Variants in OR51B5 observed in about 807,000 individuals in gnomAD.
The protein encoded by OR51B5 is olfactory receptor 51B5.
For synonymous variants in OR51B5, 186 were observed against 144.8 expected (o/e 1.28, Z -2.04); for missense variants, 456 against 374.6 (o/e 1.22, Z -1.79).
In OR51B5 at chr11:5,418,877, TA is replaced by T. The variant is rs10636129; in HGVS notation, n.85-71968del. ...ATGTACCCCAGAACTTGAAGTATTATAAAAAAAAAAAAAGCATCATCTGGTC... is the reference window on the plus strand; with the variant it reads ...ATGTACCCCAGAACTTGAAGTATTATAAAAAAAAAAAAGCATCATCTGGTC... On this transcript the variant is annotated intron_variant and non_coding_transcript_variant, in intron 1 of 4. Coordinates refer to the OR51B5 transcript ENST00000415970. 1.9e-3 allele frequency among the ~76,000 whole-genome samples: 249 copies of T among 133,614 alleles called. 4 individuals are homozygous for T. Among genetic ancestry groups the T allele is most frequent in the African/African-American group, 5.7e-3 (205 of 36,192 alleles). 87.7% of individuals were successfully genotyped at this position (133,614 alleles called of 152,430 possible).
At chr11:5,501,584 A>G (rs1846292035) in intron 1 of OR51B5, among the ~76,000 whole-genome samples, 1 of 147,588 alleles carries the variant, frequency 6.8e-6, no homozygotes, top group African/African-American at 2.4e-5. Flanking sequence ...CTTCTAGAAC[A>G]CACCAAGCGC....
intron 1 of OR51B5, chr11:5,453,243 C>T (rs1850884459): frequency 1.1e-5 from 4 of 349,680 alleles, no homozygotes; most frequent in Non-Finnish European, 1.5e-5. Flanking sequence ...CAATGTCTTC[C>T]TTGTTCATAA....
chr11:5,381,308 G>A (rs144123948), intron 1 of OR51B5, among the ~76,000 whole-genome samples: 25 of 152,218 alleles, frequency 1.6e-4, no homozygotes, highest in African/African-American at 6.0e-4. Flanking sequence ...ATACCTTAAA[G>A]GTTAAGGCCT....
chr11:5,450,615 G>A (rs970479414), intron 1 of OR51B5, among the ~76,000 whole-genome samples: 1 of 152,124 alleles, frequency 6.6e-6, no homozygotes, highest in Non-Finnish European at 1.5e-5. Context: ...CTTGGAGACA[G>A]GTACTTTTGT....
rs1347575218 is a variant in OR51B5, at chr11:5,367,161, G to A, written n.85-20251C>T. Among the ~76,000 whole-genome samples the A allele has an allele frequency of 2.6e-5, 4 of 152,184 alleles. No individual in the cohort carries two copies. In the South Asian group the frequency reaches 8.3e-4, roughly 31 times the overall value. On this transcript the variant is annotated intron_variant and non_coding_transcript_variant, in intron 1 of 4. Transcript: ENST00000415970. ...AGCCACTTAGTGACACAGAGTTTTA[G>A]TTATTTCATTGTGAACTGGAATAAA...
At chr11:5,430,247 G>C (rs1427949715) in intron 1 of OR51B5, among the ~76,000 whole-genome samples, 1 of 151,934 alleles carries the variant, frequency 6.6e-6, no homozygotes, top group East Asian at 1.9e-4. Context: ...GATATGGTTA[G>C]GTAATCCCTA....
intron 1 of OR51B5, among the ~76,000 whole-genome samples, chr11:5,465,189 G>C (rs1315518228): frequency 8.7e-6 from 1 of 114,826 alleles, no homozygotes; most frequent in African/African-American, 3.5e-5. Flanking sequence ...CTGGGCGACA[G>C]AGCGAGACTC....
At chr11:5,486,093 C>T (rs764713095) in intron 1 of OR51B5, among the ~76,000 whole-genome samples, 5 of 151,666 alleles carry the variant, frequency 3.3e-5, no homozygotes, top group Admixed American at 2.0e-4. Flanking sequence ...CTGCCAACAT[C>T]GCGATATCAG....
chr11:5,422,182 G>T (rs1488672673), intron 1 of OR51B5: 2 of 1,556,754 alleles, frequency 1.3e-6, no homozygotes, highest in Non-Finnish European at 1.7e-6. Context: ...TCCTGAATCT[G>T]AAGACACATT....
chr11:5,381,395 G>A (rs928508670), intron 1 of OR51B5, among the ~76,000 whole-genome samples: 3 of 152,000 alleles, frequency 2.0e-5, no homozygotes, highest in South Asian at 4.2e-4. Context: ...CCTAATATTC[G>A]CATGATTACC....
At chr11:5,395,776 T>C (rs1051685525) in intron 1 of OR51B5, among the ~76,000 whole-genome samples, 1 of 152,198 alleles carries the variant, frequency 6.6e-6, no homozygotes, top group African/African-American at 2.4e-5. Context: ...TATGGAAGGA[T>C]TGTCCAAAAA....
chr11:5,352,479 G>T, intron 1 of OR51B5: 1 of 1,403,564 alleles, frequency 7.1e-7, no homozygotes, highest in South Asian at 1.3e-5. Flanking sequence ...GAATAATTCA[G>T]GGGACCTGGA....
At chr11:5,489,015 G>C (rs1851536804) in intron 1 of OR51B5, 10 of 1,613,962 alleles carry the variant, frequency 6.2e-6, no homozygotes, top group Non-Finnish European at 8.5e-6. Context: ...GCCTGGCCCA[G>C]ATGTTTTGTG....
intron 1 of OR51B5, among the ~76,000 whole-genome samples, chr11:5,448,143 T>G (rs1214128280): frequency 6.6e-6 from 1 of 152,198 alleles, no homozygotes; most frequent in Non-Finnish European, 1.5e-5. Flanking sequence ...CTTTTTGTCT[T>G]GTGTGTTCGC....
At position 5,465,306 on chromosome 11, in the gene OR51B5, T is replaced by A. The variant is rs1367302702; in HGVS notation, n.84+40263A>T. On this transcript the variant is annotated intron_variant and non_coding_transcript_variant, in intron 1 of 4. Coordinates refer to the OR51B5 transcript ENST00000415970. ...TTAATGATTGCCATTCTAACTGGTG[T>A]GAGATGATATCTCATTGTGGTTTTG... is the stretch of plus-strand genomic sequence containing the variant. Among the ~76,000 whole-genome samples, 3 of 151,174 alleles carry A rather than the reference T, an allele frequency of 2.0e-5. No individual in the cohort carries two copies. In the East Asian group the frequency reaches 5.8e-4, roughly 29 times the overall value.
intron 1 of OR51B5, among the ~76,000 whole-genome samples, chr11:5,473,681 C>T (rs1851263223): frequency 6.6e-6 from 1 of 152,078 alleles, no homozygotes; most frequent in South Asian, 2.1e-4. Flanking sequence ...AATAAGCATA[C>T]ACATTTAGAG....
chr11:5,439,846 A>C (rs1451586750), intron 1 of OR51B5, among the ~76,000 whole-genome samples: 1 of 152,186 alleles, frequency 6.6e-6, no homozygotes, highest in East Asian at 1.9e-4. Context: ...TATCAAAAGC[A>C]GTTCTCATTC....
In OR51B5 at chr11:5,453,312, G is replaced by A. The variant is rs543538353; in HGVS notation, n.84+52257C>T. ...GATCATCATAAAATATGAAGAAAAG[G>A]AGTTTGCCTGCATCATCTCAAAAGC... On this transcript the variant is annotated intron_variant and non_coding_transcript_variant, in intron 1 of 4. Transcript: ENST00000415970. 1.7e-4 allele frequency: 75 copies of A among 445,686 alleles called. 1 individual carries two copies. The South Asian group carries it at 5.3e-3, about 31-fold the overall frequency. The allele number at this position is 445,686 out of a possible 1,614,324, so 27.6% of individuals were successfully genotyped here. A position where few individuals can be genotyped will look rare whatever the true frequency, so the allele number is the denominator to read the frequency against.
intron 1 of OR51B5, among the ~76,000 whole-genome samples, chr11:5,425,513 C>T (rs888965233): frequency 6.6e-6 from 1 of 152,064 alleles, no homozygotes; most frequent in Non-Finnish European, 1.5e-5. Context: ...TGTCTTCTTC[C>T]TTTGCATGTG....
Sources: allele counts gnomAD v4.1 joint callset (sites outside exome capture counted in the v4.1 genomes callset), GRCh38; gene constraint gnomAD v4.1.1; transcripts MANE v1.5; gene names NCBI Gene and HGNC (gene_info 2026-07-23, HGNC 2026-07-21).